PYHIN1: variants seen among roughly 807,000 people sequenced by gnomAD.
The protein encoded by PYHIN1 is pyrin and HIN domain-containing protein 1.
A neutral mutation model predicts 43.7 loss-of-function variants in PYHIN1; 32 were observed. The observed-to-expected ratio is 0.73, with a 90% confidence interval of 0.55 to 0.98. The LOEUF (loss-of-function observed/expected upper bound fraction) is 0.98, where lower values mean the gene tolerates loss of function less well. Ranked by LOEUF, PYHIN1 falls within the 50% of genes least tolerant of loss-of-function variation. The pLI is 0.00. For missense variants in PYHIN1, 588 were observed against 589.5 expected (o/e 1.00, Z 0.03); for synonymous variants, 205 against 203.1 (o/e 1.01, Z -0.08).
intron 7 of PYHIN1, among the ~76,000 whole-genome samples, chr1:158,956,633 G>C (rs993786217): frequency 0.011 from 1,701 of 150,236 alleles, 34 homozygotes; most frequent in African/African-American, 0.04. Flanking sequence ...TATGACAAAC[G>C]CACAGCCAAT....
rs1648266170 is a variant in PYHIN1 at position 158,933,113 on chromosome 1, T to C, written c.-21+1337T>C. Among the ~76,000 whole-genome samples the C allele has an allele frequency of 6.6e-6, 1 of 151,758 alleles. No homozygotes were observed. The highest frequency in any genetic ancestry group is 1.5e-5 in the Non-Finnish European group (1 of 67,880). On this transcript the variant is annotated intron_variant, in intron 1 of 8. Transcript: ENST00000368140. This position sits in a 1 kb window ranked among gnomAD's most constrained non-coding sequence, Gnocchi z 6.3. ...CTCCTATTATAAGACGGTATTTTCT[T>C]GTACTCCTCTCAAATTCATATATAT...
the PYHIN1 span, among the ~76,000 whole-genome samples, chr1:158,983,117 T>G: frequency 2.0e-5 from 3 of 151,642 alleles, no homozygotes; most frequent in African/African-American, 4.8e-5. Flanking sequence ...TTCTTTCTAT[T>G]TGGACGTCTT....
chr1:158,979,623 G>A (rs1196617704), downstream of PYHIN1, among the ~76,000 whole-genome samples: 2 of 152,070 alleles, frequency 1.3e-5, no homozygotes, highest in African/African-American at 4.8e-5. Context: ...GAATAATACT[G>A]TAATGTACAT....
chr1:158,981,073 T>G (rs988292173), downstream of PYHIN1, among the ~76,000 whole-genome samples: 1 of 152,132 alleles, frequency 6.6e-6, no homozygotes, highest in Non-Finnish European at 1.5e-5. Context: ...GGAGTCAGGT[T>G]CCCCCAGTAA....
the PYHIN1 span, among the ~76,000 whole-genome samples, chr1:158,986,145 T>A: frequency 1.3e-5 from 2 of 152,148 alleles, no homozygotes; most frequent in African/African-American, 4.8e-5. Context: ...CTTTGCTGGG[T>A]AGGTAGCATG....
chr1:158,960,783 A>C (rs1650274341), intron 7 of PYHIN1, among the ~76,000 whole-genome samples: 1 of 152,240 alleles, frequency 6.6e-6, no homozygotes, highest in African/African-American at 2.4e-5. Context: ...AATTACTCTG[A>C]GAAAATTTTT....
intron 7 of PYHIN1, among the ~76,000 whole-genome samples, chr1:158,972,128 T>C (rs532024056): frequency 6.6e-6 from 1 of 152,022 alleles, no homozygotes; most frequent in Non-Finnish European, 1.5e-5. Context: ...CACCCAAACA[T>C]ATGACTCCAA....
intron 7 of PYHIN1, among the ~76,000 whole-genome samples, chr1:158,955,646 A>T (rs1343534551): frequency 1.7e-5 from 2 of 119,474 alleles, no homozygotes; most frequent in Non-Finnish European, 3.4e-5. Flanking sequence ...CACAAGAGAA[A>T]GCAGGAAAGA....
the PYHIN1 span, among the ~76,000 whole-genome samples, chr1:158,989,613 T>C: frequency 6.6e-5 from 10 of 152,158 alleles, no homozygotes; most frequent in African/African-American, 2.4e-4. Context: ...ATTCATAAGC[T>C]AAAGAACACC....
intron 8 of PYHIN1, among the ~76,000 whole-genome samples, chr1:158,974,497 T>A (rs1651135956): frequency 6.6e-6 from 1 of 152,010 alleles, no homozygotes; most frequent in Non-Finnish European, 1.5e-5. Context: ...AATCCCAGCC[T>A]GCTTTTGGTC....
intron 7 of PYHIN1, among the ~76,000 whole-genome samples, chr1:158,964,640 C>T (rs1281722066): frequency 6.6e-6 from 1 of 152,010 alleles, no homozygotes; most frequent in Non-Finnish European, 1.5e-5. Flanking sequence ...CCAAACAAAG[C>T]ATCAAAAATG....
chr1:158,961,600 G>A (rs560203965), intron 7 of PYHIN1, among the ~76,000 whole-genome samples: 3 of 152,100 alleles, frequency 2.0e-5, no homozygotes, highest in South Asian at 2.1e-4. Flanking sequence ...GGAATGGCAC[G>A]GAGCCAGAGG....
Position 158,957,261 on chromosome 1 carries a change from G to C in PYHIN1, c.1359+12219G>C, listed in dbSNP as rs974139432. Among the ~76,000 whole-genome samples, 589 of 149,794 alleles carry C rather than the reference G, an allele frequency of 3.9e-3. 2 individuals are homozygous for C. The highest frequency in any genetic ancestry group is 0.01 in the Middle Eastern group (3 of 292). On this transcript the variant is annotated intron_variant, in intron 7 of 8. Coordinates refer to ENST00000368140, the MANE Select transcript of PYHIN1 (RefSeq NM_152501.5). ...CAGAATTGGAAAAAACTACTTTAAA[G>C]TTCATATGGAACCAAAAAAGAGCCC... is the stretch of plus-strand genomic sequence containing the variant.
At chr1:158,989,116 C>A in the PYHIN1 span, among the ~76,000 whole-genome samples, 1,537 of 152,240 alleles carry the variant, frequency 0.01, 27 homozygotes, top group African/African-American at 0.035. Context: ...CTATGCCTGG[C>A]AGATCATAGT....
Position 158,973,690 on chromosome 1 carries a change from T to C in PYHIN1, c.1403T>C (p.Phe468Ser). The change falls in exon 8 of 9, where the codon TTT becomes TCT. Residue 468 changes from phenylalanine (F) to serine (S), a missense_variant. By Grantham distance (155) the Phe-to-Ser change is radical. Transcript: ENST00000368140. Reference protein sequence around the residue: ...HPGAQSSPANFRITSPTVAPP... With the variant: ...HPGAQSSPANSRITSPTVAPP... ...GGAGCACAGTCATCGCCTGCAAACT[T>C]TAGAATCACCTCACCAACTGTGGCC... is the stretch of plus-strand genomic sequence containing the variant. The C allele has an allele frequency of 6.2e-7, 1 of 1,613,166 alleles. No homozygotes were observed. Among genetic ancestry groups the C allele is most frequent in the South Asian group, 1.1e-5 (1 of 91,048 alleles).
intron 7 of PYHIN1, among the ~76,000 whole-genome samples, chr1:158,971,022 A>T (rs1341409): frequency 0.93 from 141,706 of 152,018 alleles, 66,843 homozygotes; most frequent in East Asian, 1. Context: ...TCTTCCAGTG[A>T]GAGAGAGTAG....
intron 7 of PYHIN1, among the ~76,000 whole-genome samples, chr1:158,949,444 C>T (rs1396266276): frequency 6.6e-6 from 1 of 152,066 alleles, no homozygotes; most frequent in Non-Finnish European, 1.5e-5. Flanking sequence ...AGGTTAGTTA[C>T]ATATGTATAC....
chr1:158,959,396 T>G (rs145398774), intron 7 of PYHIN1, among the ~76,000 whole-genome samples: 1 of 151,404 alleles, frequency 6.6e-6, no homozygotes, highest in East Asian at 1.9e-4. Context: ...ACCGGACCCT[T>G]TAGAGAGCAA....
chr1:158,956,090 C>A (rs1470334861), intron 7 of PYHIN1, among the ~76,000 whole-genome samples: 1 of 144,808 alleles, frequency 6.9e-6, no homozygotes, highest in Non-Finnish European at 1.5e-5. Context: ...ATAACAGGAG[C>A]TGAAATTGTG....
Sources: gnomAD v4.1 joint callset for allele counts (sites outside exome capture counted in the v4.1 genomes callset) on GRCh38, gnomAD v4.1.1 for gene constraint, Gnocchi (gnomAD v3.1) non-coding constraint, MANE v1.5 for transcripts, NCBI Gene and HGNC (gene_info 2026-07-23, HGNC 2026-07-21) for gene names.